GNAI3: variants seen among roughly 807,000 people sequenced by gnomAD.
GNAI3 encodes the protein guanine nucleotide-binding protein G(i) subunit alpha-3.
A neutral mutation model predicts 41.8 loss-of-function variants in GNAI3; 12 were observed. The observed-to-expected ratio is 0.29, with a 90% CI of 0.18 to 0.47. The LOEUF is 0.47. Ranked by LOEUF, GNAI3 falls within the 20% of genes least tolerant of loss-of-function variation. The pLI is 1.00. For missense variants in GNAI3, 360 were observed against 429.6 expected (o/e 0.84, Z 1.43); for synonymous variants, 132 against 146.5 (o/e 0.90, Z 0.71).
At chr1:109,566,580 G>A (rs1358447000) in intron 1 of GNAI3, among the ~76,000 whole-genome samples, 1 of 151,886 alleles carries the variant, frequency 6.6e-6, no homozygotes, top group East Asian at 1.9e-4. Context: ...TTGTTTGTTC[G>A]AGATGGAGTT....
chr1:109,577,916 C>G (rs915150381), intron 3 of GNAI3, among the ~76,000 whole-genome samples: 3 of 152,176 alleles, frequency 2.0e-5, no homozygotes, highest in African/African-American at 7.2e-5. Context: ...ACTTAAGATA[C>G]AAATGATTGC....
rs762653380 is a variant in GNAI3 at position 109,573,763 on chromosome 1, A to G, written c.145A>G (p.Ile49Val). The G allele has an allele frequency of 9.3e-6, 15 of 1,612,332 alleles. No homozygotes were observed. The highest frequency in any genetic ancestry group is 1.6e-4 in the Middle Eastern group (1 of 6,074). The change falls in exon 2 of 9, where the codon ATT (isoleucine) becomes GTT (valine). Residue 49 changes from isoleucine to valine, a missense_variant. By Grantham distance (29) the Ile-to-Val change is conservative. Transcript: ENST00000369851. ...TGCTGGAGAATCTGGTAAAAGCACC[A>G]TTGTGAAACAGATGAAGTAAGTTGG... ...LGAGESGKST[I>V]VKQMKIIHED...
chr1:109,560,444 C>T (rs1282575230), intron 1 of GNAI3, among the ~76,000 whole-genome samples: 1 of 151,990 alleles, frequency 6.6e-6, no homozygotes, highest in African/African-American at 2.4e-5. Flanking sequence ...CTTGCCTTGC[C>T]GTGATCAAAA....
chr1:109,567,093 T>G (rs1230066299), intron 1 of GNAI3, among the ~76,000 whole-genome samples: 1 of 152,166 alleles, frequency 6.6e-6, no homozygotes, highest in Non-Finnish European at 1.5e-5. Flanking sequence ...GCTTTCAGCC[T>G]GCCATGAGGG....
intron 3 of GNAI3, among the ~76,000 whole-genome samples, chr1:109,574,805 A>T (rs1648695746): frequency 6.6e-6 from 1 of 152,188 alleles, no homozygotes; most frequent in Non-Finnish European, 1.5e-5. Flanking sequence ...CTGTGTTCAG[A>T]GTGTCATACT....
intron 1 of GNAI3, among the ~76,000 whole-genome samples, chr1:109,559,129 G>C (rs1380280837): frequency 6.6e-6 from 1 of 151,952 alleles, no homozygotes; most frequent in Non-Finnish European, 1.5e-5. Context: ...AGCGCGCTGA[G>C]ATTGTGGCAC....
chr1:109,581,773 C>T (rs1429899904), intron 4 of GNAI3, among the ~76,000 whole-genome samples: 1 of 151,912 alleles, frequency 6.6e-6, no homozygotes, highest in African/African-American at 2.4e-5. Context: ...CCTGTAATCC[C>T]AGCTGTTCAG....
chr1:109,558,003 G>T (rs1310653680), intron 1 of GNAI3, among the ~76,000 whole-genome samples: 1 of 152,152 alleles, frequency 6.6e-6, no homozygotes, highest in Non-Finnish European at 1.5e-5. Context: ...GAACATAATG[G>T]AATGACATGG....
At chr1:109,573,161 T>C (rs533795407) in intron 1 of GNAI3, among the ~76,000 whole-genome samples, 1 of 152,260 alleles carries the variant, frequency 6.6e-6, no homozygotes, top group African/African-American at 2.4e-5. Context: ...GTCAGAAGGC[T>C]AGCTTGACAT....
intron 1 of GNAI3, among the ~76,000 whole-genome samples, chr1:109,551,089 A>C (rs1647972014): frequency 6.6e-6 from 1 of 152,256 alleles, no homozygotes; most frequent in South Asian, 2.1e-4. Flanking sequence ...AAACAAAATT[A>C]GACACTTGAC....
intron 1 of GNAI3, among the ~76,000 whole-genome samples, chr1:109,555,857 A>G (rs1006853492): frequency 6.6e-6 from 1 of 151,686 alleles, no homozygotes. Flanking sequence ...AGGAAAAGGG[A>G]GTTGTTAGGC....
At chr1:109,561,004 G>A (rs574794410) in intron 1 of GNAI3, among the ~76,000 whole-genome samples, 3 of 152,212 alleles carry the variant, frequency 2.0e-5, no homozygotes, top group East Asian at 3.9e-4. Context: ...TTCAAAACAG[G>A]GCTTCGTTTG....
intron 1 of GNAI3, among the ~76,000 whole-genome samples, chr1:109,572,258 C>G (rs1163317522): frequency 1.3e-5 from 2 of 152,044 alleles, no homozygotes; most frequent in Non-Finnish European, 2.9e-5. Flanking sequence ...TGCGGTGAGC[C>G]GAGATTGTAC....
At chr1:109,577,315 C>T (rs1235039783) in intron 3 of GNAI3, among the ~76,000 whole-genome samples, 1 of 132,056 alleles carries the variant, frequency 7.6e-6, no homozygotes, top group Admixed American at 8.5e-5. Flanking sequence ...TTTGCTCTGT[C>T]GCCCAGGCTA....
Position 109,586,860 on chromosome 1 carries a change from T to G in GNAI3, c.852T>G (p.Thr284=). The change falls in exon 7 of 9, where the codon ACT becomes ACG. Residue 284 remains threonine, a synonymous_variant. Transcript: ENST00000369851. ...FEEKIKRSPL[T]ICYPEYTGSN... is the part of the protein sequence containing the mutation. ...AAAAAATAAAGAGGAGTCCGTTAAC[T>G]ATCTGTTATCCAGAATACACAGGTA... is the stretch of plus-strand genomic sequence containing the variant. 2 of 1,601,466 alleles carry G rather than the reference T, an allele frequency of 1.2e-6. No individual in the cohort carries two copies. Among genetic ancestry groups the G allele is most frequent in the Non-Finnish European group, 1.7e-6 (2 of 1,168,738 alleles).
At position 109,595,317 on chromosome 1, in the gene GNAI3, A is replaced by G. The variant is rs1035875504; in HGVS notation, c.*2995A>G. Reference sequence around the variant, plus strand: ...CATGAAAATTCCAAAAACTTTAACAATTACTCATAAGTGGATCTTGAGATG... The same window carrying G: ...CATGAAAATTCCAAAAACTTTAACAGTTACTCATAAGTGGATCTTGAGATG... On this transcript the variant is annotated 3_prime_UTR_variant, in exon 9 of 9. Coordinates refer to ENST00000369851, the MANE Select transcript of GNAI3 (RefSeq NM_006496.4). 2 of 152,186 alleles carry G rather than the reference A, an allele frequency of 1.3e-5. No homozygotes were observed. The highest frequency in any genetic ancestry group is 1.9e-4 in the East Asian group (1 of 5,196). The allele number at this position is 152,186 out of a possible 1,614,324, so 9.4% of individuals were successfully genotyped here. A position where few individuals can be genotyped will look rare whatever the true frequency, so the allele number is the denominator to read the frequency against.
chr1:109,586,146 C>T, intron 5 of GNAI3, 70 bp from the exon 6 acceptor site: 2 of 1,368,758 alleles, frequency 1.5e-6, no homozygotes, highest in Non-Finnish European at 2.0e-6. Context: ...GGGAAGTTTC[C>T]TAATCATTTC....
At chr1:109,585,608 GC>G (rs1028357969) in intron 5 of GNAI3, among the ~76,000 whole-genome samples, 1 of 152,050 alleles carries the variant, frequency 6.6e-6, no homozygotes, top group African/African-American at 2.4e-5. Context: ...GCATTTAGAG[GC>G]AAACCATTTT....
intron 1 of GNAI3, among the ~76,000 whole-genome samples, chr1:109,563,366 C>G (rs913715064): frequency 6.6e-6 from 1 of 152,168 alleles, no homozygotes; most frequent in Non-Finnish European, 1.5e-5. Flanking sequence ...GCCTGGGTGA[C>G]AGAGCAAGAC....
Sources: gnomAD v4.1 joint callset for allele counts (sites outside exome capture counted in the v4.1 genomes callset) on GRCh38, gnomAD v4.1.1 for gene constraint, MANE v1.5 for transcripts, NCBI Gene and HGNC (gene_info 2026-07-23, HGNC 2026-07-21) for gene names.